The following MEI4 variants were observed in gnomAD, a reference collection of about 807,000 sequenced individuals.
MEI4 encodes the protein meiotic double-stranded break formation protein 4.
Under a neutral mutation model 31.4 loss-of-function variants are expected in MEI4, and 27 were observed. The observed-to-expected ratio is 0.86, with a 90% CI of 0.63 to 1.19. The LOEUF (loss-of-function observed/expected upper bound fraction) is 1.19. Among genes scored for constraint, MEI4 ranks in the 50% most tolerant of loss-of-function variants. The pLI is 0.00. For synonymous variants in MEI4, 122 were observed against 145.4 expected (o/e 0.84, Z 1.16); for missense variants, 329 against 398.9 (o/e 0.82, Z 1.49).
chr6:77,801,080 C>T (rs999486015), intron 3 of MEI4, among the ~76,000 whole-genome samples: 1 of 152,164 alleles, frequency 6.6e-6, no homozygotes, highest in African/African-American at 2.4e-5. Flanking sequence ...CCAGCTCCTC[C>T]TTGTACCTCT....
chr6:77,886,729 G>A (rs1308213252), intron 4 of MEI4, among the ~76,000 whole-genome samples: 1 of 152,118 alleles, frequency 6.6e-6, no homozygotes, highest in Non-Finnish European at 1.5e-5. Flanking sequence ...CACTGCACCT[G>A]GCCCTGTTAG....
At chr6:77,791,237 T>C (rs1582147038) in intron 3 of MEI4, among the ~76,000 whole-genome samples, 1 of 152,190 alleles carries the variant, frequency 6.6e-6, no homozygotes, top group East Asian at 1.9e-4. Context: ...CACACGTATG[T>C]TTATTGCGGC....
intron 2 of MEI4, among the ~76,000 whole-genome samples, chr6:77,753,279 G>T (rs1410855035): frequency 6.6e-6 from 1 of 152,128 alleles, no homozygotes; most frequent in Non-Finnish European, 1.5e-5. Flanking sequence ...AAGAGCTTCT[G>T]CACAGCAGAA....
chr6:77,811,184 A>T (rs139651692), intron 3 of MEI4, among the ~76,000 whole-genome samples: 1 of 152,252 alleles, frequency 6.6e-6, no homozygotes, highest in African/African-American at 2.4e-5. Flanking sequence ...ACAAGCATAG[A>T]CTAGTATCAG....
At chr6:77,810,548 A>T (rs1769552190) in intron 3 of MEI4, among the ~76,000 whole-genome samples, 1 of 152,162 alleles carries the variant, frequency 6.6e-6, no homozygotes, top group South Asian at 2.1e-4. Context: ...TAGTCAATAA[A>T]TTTCACTTGC....
At position 77,659,864 on chromosome 6, in the gene MEI4, G is replaced by A. The variant is rs140080617; in HGVS notation, c.-15+6772G>A. Among the ~76,000 whole-genome samples, 374 of 152,268 alleles carry A rather than the reference G, an allele frequency of 2.5e-3. 1 individual carries two copies. The highest frequency in any genetic ancestry group is 8.9e-3 in the African/African-American group (370 of 41,548). ...CCCAGGGGAATTCCAGTGGGTCTCT[G>A]CCGAGAGATACATAAAGGAGCAGCC... On this transcript the variant is annotated intron_variant, in intron 1 of 4. Transcript: ENST00000684080.
At chr6:77,701,952 C>G (rs1766233758) in intron 2 of MEI4, among the ~76,000 whole-genome samples, 2 of 152,158 alleles carry the variant, frequency 1.3e-5, no homozygotes, top group African/African-American at 2.4e-5. Context: ...CTCTAGCTCA[C>G]ATTGCTCAGG....
intron 2 of MEI4, among the ~76,000 whole-genome samples, chr6:77,739,969 A>G (rs76610170): frequency 0.02 from 3,118 of 152,236 alleles, 117 homozygotes; most frequent in African/African-American, 0.071. Context: ...ACCCTGCCTT[A>G]GCTGTGTCCC....
At chr6:77,732,641 C>T (rs1472059252) in intron 2 of MEI4, among the ~76,000 whole-genome samples, 1 of 151,602 alleles carries the variant, frequency 6.6e-6, no homozygotes, top group East Asian at 1.9e-4. Flanking sequence ...CCTAATTGCC[C>T]TGGCCAAGAC....
chr6:77,753,746 A>C (rs1767842883), intron 2 of MEI4, among the ~76,000 whole-genome samples: 1 of 152,220 alleles, frequency 6.6e-6, no homozygotes, highest in South Asian at 2.1e-4. Flanking sequence ...AAATCCCATT[A>C]CTGAGTATAT....
intron 2 of MEI4, among the ~76,000 whole-genome samples, chr6:77,729,856 A>G (rs1441034599): frequency 1.3e-5 from 2 of 152,310 alleles, no homozygotes; most frequent in African/African-American, 4.8e-5. Context: ...GGTAAAAGGT[A>G]TCAGTGCATC....
intron 4 of MEI4, among the ~76,000 whole-genome samples, chr6:77,834,171 C>T (rs940616996): frequency 2.1e-4 from 32 of 152,036 alleles, no homozygotes; most frequent in Non-Finnish European, 4.6e-4. Flanking sequence ...TTCCTGGGGC[C>T]TCAATATGCA....
chr6:77,748,088 T>C (rs1275537829), intron 2 of MEI4, among the ~76,000 whole-genome samples: 1 of 152,190 alleles, frequency 6.6e-6, no homozygotes, highest in African/African-American at 2.4e-5. Context: ...TCAGTGCCCA[T>C]GGCTTTTCCA....
intron 2 of MEI4, among the ~76,000 whole-genome samples, chr6:77,741,540 A>G (rs1767400405): frequency 3.3e-5 from 5 of 152,152 alleles, no homozygotes; most frequent in Admixed American, 2.6e-4. Context: ...ATATGTTATG[A>G]CAGTTAATTT....
At chr6:77,804,190 C>T (rs981645710) in intron 3 of MEI4, among the ~76,000 whole-genome samples, 1 of 152,172 alleles carries the variant, frequency 6.6e-6, no homozygotes, top group African/African-American at 2.4e-5. Flanking sequence ...CCTCCCCCAG[C>T]CTCGCTACCG....
intron 4 of MEI4, among the ~76,000 whole-genome samples, chr6:77,850,576 T>C (rs1231579809): frequency 6.6e-6 from 1 of 152,208 alleles, no homozygotes; most frequent in Non-Finnish European, 1.5e-5. Flanking sequence ...GAAGACTGGC[T>C]AGCCATATGT....
intron 4 of MEI4, among the ~76,000 whole-genome samples, chr6:77,860,484 A>G (rs1770839383): frequency 6.6e-6 from 1 of 152,196 alleles, no homozygotes; most frequent in South Asian, 2.1e-4. Context: ...ATGCTATAAA[A>G]TGATTTTATT....
chr6:77,660,219 G>C (rs903177452), intron 1 of MEI4, among the ~76,000 whole-genome samples: 1 of 152,152 alleles, frequency 6.6e-6, no homozygotes, highest in South Asian at 2.1e-4. Context: ...GGCTAGGAGA[G>C]AATGGGTAAA....
At chr6:77,900,299 A>G (rs1766162481) in intron 4 of MEI4, among the ~76,000 whole-genome samples, 1 of 152,172 alleles carries the variant, frequency 6.6e-6, no homozygotes, top group Non-Finnish European at 1.5e-5. Flanking sequence ...AAATATTAAA[A>G]TATTTCTACC....
Sources: gnomAD v4.1 joint callset for allele counts (sites outside exome capture counted in the v4.1 genomes callset) on GRCh38, gnomAD v4.1.1 for gene constraint, MANE v1.5 for transcripts, NCBI Gene and HGNC (gene_info 2026-07-23, HGNC 2026-07-21) for gene names.